The following CHRFAM7A variants were observed in gnomAD, a reference collection of about 807,000 sequenced individuals.
The protein encoded by CHRFAM7A is CHRNA7 (exons 5-10) and FAM7A (exons A-E) fusion.
Under a neutral mutation model 29.2 loss-of-function variants are expected in CHRFAM7A, and 3 were observed. That is an observed-to-expected ratio of 0.10 (90% CI 0.05 to 0.27). CHRFAM7A has a LOEUF of 0.27. CHRFAM7A is among the 10% of genes least tolerant of loss of function. The pLI is 1.00. For missense variants in CHRFAM7A, 22 were observed against 328.0 expected (o/e 0.07, Z 7.21); for synonymous variants, 7 against 135.4 (o/e 0.05, Z 6.58).
chr15:30,367,554 G>C (rs1271177414), intron 8 of CHRFAM7A, 27 bp from the exon 9 acceptor site: 1 of 1,597,128 alleles, frequency 6.3e-7, no homozygotes, highest in African/African-American at 1.4e-5. Context: ...TGCAGGGTGA[G>C]ACCCGGGGAT....
At chr15:30,373,908 G>A (rs1456377647) in intron 5 of CHRFAM7A, among the ~76,000 whole-genome samples, 3 of 129,176 alleles carry the variant, frequency 2.3e-5, no homozygotes, top group Admixed American at 8.1e-5. Context: ...AAAGTGAAGT[G>A]AGCTATGATC....
At chr15:30,371,823 TCGC>T in intron 7 of CHRFAM7A, among the ~76,000 whole-genome samples, 1 of 139,818 alleles carries the variant, frequency 7.2e-6, no homozygotes, top group East Asian at 2.1e-4. Flanking sequence ...CGATGACCAG[TCGC>T]CATTGAGGAA....
chr15:30,373,977 TAAAAC>T lies in CHRFAM7A; in HGVS notation c.161-837_161-833del, dbSNP rs1250235945. 3.2e-4 allele frequency among the ~76,000 whole-genome samples: 44 copies of T among 138,524 alleles called. 1 individual carries two copies. The highest frequency in any genetic ancestry group is 1.8e-3 in the Admixed American group (24 of 13,698). 90.9% of individuals were successfully genotyped at this position (138,524 alleles called of 152,430 possible). A position where few individuals can be genotyped will look rare whatever the true frequency, so the allele number is the denominator to read the frequency against. ...AGAATCTGTCTGTAAGAAAAAAAGT[TAAAAC>T]AAACAAACAAACAAACAAACAAAAA... On this transcript the variant is annotated intron_variant, in intron 5 of 9. Transcript: ENST00000299847.
intron 9 of CHRFAM7A, among the ~76,000 whole-genome samples, chr15:30,365,801 CTTTTTTTTT>C (rs1165285566): frequency 1.1e-4 from 8 of 74,260 alleles, no homozygotes; most frequent in African/African-American, 4.9e-4. Context: ...ACAAGTGAGT[CTTTTTTTTT>C]TTTTTTTTTT....
upstream of CHRFAM7A, chr15:30,393,875 G>T (rs1489764084): frequency 5.0e-5 from 3 of 60,030 alleles, 1 homozygote; most frequent in Admixed American, 5.4e-4. Flanking sequence ...GTGTGTGTGT[G>T]TGTGTGTGTC....
At chr15:30,388,879 C>T (rs199948279) in intron 1 of CHRFAM7A, among the ~76,000 whole-genome samples, 2,478 of 112,810 alleles carry the variant, frequency 0.022, no homozygotes, top group East Asian at 0.041. Flanking sequence ...TTGGGAATTA[C>T]ATTGTAAATA....
rs565220831 is a variant in CHRFAM7A, at chr15:30,371,326, T to C, written c.524-142A>G. On this transcript the variant is annotated intron_variant, in intron 7 of 9. Coordinates refer to ENST00000299847, the MANE Select transcript of CHRFAM7A (RefSeq NM_139320.2). Reference sequence around the variant, plus strand: ...TCGTGGAATGCACGTTTTCCCTATGTATGGGCGTGTGCATTTTCCAGGGGA... The same window carrying C: ...TCGTGGAATGCACGTTTTCCCTATGCATGGGCGTGTGCATTTTCCAGGGGA... 16 of 920,870 alleles carry C rather than the reference T, an allele frequency of 1.7e-5. No individual in the cohort carries two copies. The African/African-American group carries it at 1.9e-4, about 11-fold the overall frequency. 57.0% of individuals were successfully genotyped at this position (920,870 alleles called of 1,614,324 possible).
intron 4 of CHRFAM7A, among the ~76,000 whole-genome samples, chr15:30,377,705 G>A (rs2058947682): frequency 7.0e-6 from 1 of 142,748 alleles, no homozygotes; most frequent in Non-Finnish European, 1.5e-5. Context: ...TTCCCGAGTA[G>A]CTGGGACTAC....
intron 6 of CHRFAM7A, 122 bp from the exon 7 acceptor site, chr15:30,372,463 A>AAAGG: frequency 4.5e-6 from 1 of 221,968 alleles, no homozygotes; most frequent in South Asian, 7.1e-5. Context: ...AAAAAAAAAA[A>AAAGG]GGGGGGGGTT....
intron 9 of CHRFAM7A, among the ~76,000 whole-genome samples, chr15:30,363,216 C>T (rs2058760400): frequency 6.9e-6 from 1 of 144,774 alleles, no homozygotes; most frequent in South Asian, 2.1e-4. Context: ...CCTGGAAGGC[C>T]ACTGCAAATT....
rs1472149631 is a variant in CHRFAM7A at position 30,377,591 on chromosome 15, T to C, written c.81-482A>G. On this transcript the variant is annotated intron_variant, in intron 4 of 9. Transcript: ENST00000299847. ...CACATATATATCTTTTTTTTTTTTT[T>C]TGAGACAGAGTCTTGCTGTGTTGCC... is the stretch of plus-strand genomic sequence containing the variant. 5.1e-4 allele frequency among the ~76,000 whole-genome samples: 66 copies of C among 130,558 alleles called. No homozygotes were observed. The East Asian group carries it at 0.014, about 28-fold the overall frequency. 85.7% of individuals were successfully genotyped at this position (130,558 alleles called of 152,430 possible). A position where few individuals can be genotyped will look rare whatever the true frequency, so the allele number is the denominator to read the frequency against.
At chr15:30,376,494 G>A (rs1482797780) in intron 5 of CHRFAM7A, among the ~76,000 whole-genome samples, 1 of 25,120 alleles carries the variant, frequency 4.0e-5, no homozygotes, top group Non-Finnish European at 8.5e-5. Context: ...AGCCTTGGAG[G>A]TGAGACACTG....
rs1303815518 is a variant in CHRFAM7A at position 30,365,775 on chromosome 15, G to A, written c.720+1643C>T. Among the ~76,000 whole-genome samples, 8 of 109,732 alleles carry A rather than the reference G, an allele frequency of 7.3e-5. 1 individual carries two copies. Among genetic ancestry groups the A allele is most frequent in the African/African-American group, 3.0e-4 (8 of 26,740 alleles). 72.0% of individuals were successfully genotyped at this position (109,732 alleles called of 152,430 possible). A position where few individuals can be genotyped will look rare whatever the true frequency, so the allele number is the denominator to read the frequency against. ...CCATGTAGGCTGAGCTCACATTACTGCTTGTGTAATGAGCTACAAGTGAGT... is the reference window on the plus strand; with the variant it reads ...CCATGTAGGCTGAGCTCACATTACTACTTGTGTAATGAGCTACAAGTGAGT... On this transcript the variant is annotated intron_variant, in intron 9 of 9. Transcript: ENST00000299847.
intron 5 of CHRFAM7A, among the ~76,000 whole-genome samples, chr15:30,373,532 G>T (rs545954704): frequency 1.5e-5 from 2 of 132,776 alleles, no homozygotes; most frequent in South Asian, 4.9e-4. Context: ...AGGTGTGTGT[G>T]TGTGTGTGTG....
At chr15:30,375,879 GTTGAGTCGTGTGGGTGGT>G (rs2058925068) in intron 5 of CHRFAM7A, among the ~76,000 whole-genome samples, 2 of 76,306 alleles carry the variant, frequency 2.6e-5, no homozygotes, top group African/African-American at 4.0e-5. Context: ...TGGTGTGTGT[GTTGAGTCGTGTGGGTGGT>G]ATGTGAGTGG....
intron 8 of CHRFAM7A, among the ~76,000 whole-genome samples, 182 bp downstream of exon 8, chr15:30,370,916 G>T (rs1374703830): frequency 6.6e-6 from 1 of 151,718 alleles, no homozygotes; most frequent in African/African-American, 2.4e-5. Context: ...CCTCAAAGCT[G>T]AATATCCCCT....
chr15:30,374,517 C>T (rs1321394169), intron 5 of CHRFAM7A, among the ~76,000 whole-genome samples: 1 of 144,444 alleles, frequency 6.9e-6, no homozygotes, highest in African/African-American at 2.6e-5. Flanking sequence ...TTTGTAACTT[C>T]ATGAGCCCAT....
chr15:30,373,538 G>C (rs1334299151), intron 5 of CHRFAM7A, among the ~76,000 whole-genome samples: 1 of 133,060 alleles, frequency 7.5e-6, no homozygotes, highest in Non-Finnish European at 1.7e-5. Context: ...GTGTGTGTGT[G>C]TGTGTGTCTG....
intron 1 of CHRFAM7A, among the ~76,000 whole-genome samples, chr15:30,388,755 A>T: frequency 9.9e-6 from 1 of 101,452 alleles, no homozygotes; most frequent in African/African-American, 3.5e-5. Context: ...AACCAGAAGT[A>T]GTAATATCAA....
Sources: gnomAD v4.1 joint callset for allele counts (sites outside exome capture counted in the v4.1 genomes callset) on GRCh38, gnomAD v4.1.1 for gene constraint, MANE v1.5 for transcripts, NCBI Gene and HGNC (gene_info 2026-07-23, HGNC 2026-07-21) for gene names.